Variants in BMP7 observed in about 807,000 individuals in gnomAD.
BMP7 encodes the protein osteogenic protein 1.
BMP7 carries 12 observed loss-of-function variants against 41.2 expected under a neutral mutation model. The observed-to-expected ratio is 0.29, with a 90% CI of 0.19 to 0.47. The LOEUF (loss-of-function observed/expected upper bound fraction) is 0.47, where lower values mean the gene tolerates loss of function less well. Ranked by LOEUF, BMP7 falls within the 20% of genes least tolerant of loss-of-function variation. The probability of loss-of-function intolerance (pLI) is 0.99; values close to 1 mark genes in which losing one functional copy is unlikely to be tolerated. For synonymous variants in BMP7, 248 were observed against 250.0 expected (o/e 0.99, Z 0.07); for missense variants, 467 against 606.0 (o/e 0.77, Z 2.41).
At chr20:57,227,428 C>A (rs182732951) in intron 2 of BMP7, among the ~76,000 whole-genome samples, 2 of 137,050 alleles carry the variant, frequency 1.5e-5, no homozygotes, top group Non-Finnish European at 3.1e-5. Context: ...GCTTGGCAAA[C>A]GTAGCTGTGA....
At chr20:57,222,556 G>T (rs1487361304) in intron 2 of BMP7, among the ~76,000 whole-genome samples, 1 of 152,114 alleles carries the variant, frequency 6.6e-6, no homozygotes, top group African/African-American at 2.4e-5. Flanking sequence ...CTCGGTTCTG[G>T]AGTGAGGCCC....
rs57062226 is a variant in BMP7 at position 57,209,249 on chromosome 20, TTATATATATATATATATATA to T, written c.612-6646_612-6627del. ...AACAAATACCTAGATTTATATATTT[TTATATATATATATATATATA>T]TATATATATATATATATGTATATAA... is the stretch of plus-strand genomic sequence containing the variant. On this transcript the variant is annotated intron_variant, in intron 2 of 6. Coordinates refer to ENST00000395863, the MANE Select transcript of BMP7 (RefSeq NM_001719.3). Among the ~76,000 whole-genome samples the T allele has an allele frequency of 7.8e-4, 74 of 94,870 alleles. 1 individual carries two copies. The East Asian group carries it at 0.017, about 21-fold the overall frequency. 62.2% of individuals were successfully genotyped at this position (94,870 alleles called of 152,430 possible).
At position 57,228,634 on chromosome 20, in the gene BMP7, CAA is replaced by C. The variant is rs1158051610; in HGVS notation, c.419-215_419-214del. Reference sequence around the variant, plus strand: ...TGGTCCCCATGGTCATCCTGAACGACAAGAGCATGATTCTGCATCCAACCTGC... The same window carrying C: ...TGGTCCCCATGGTCATCCTGAACGACGAGCATGATTCTGCATCCAACCTGC... On this transcript the variant is annotated intron_variant, in intron 1 of 6. Coordinates refer to ENST00000395863, the MANE Select transcript of BMP7 (RefSeq NM_001719.3). This position sits in a 1 kb window ranked among gnomAD's most constrained non-coding sequence, Gnocchi z 4.5. Among the ~76,000 whole-genome samples, 8 of 152,310 alleles carry C rather than the reference CAA, an allele frequency of 5.3e-5. No homozygotes were observed. In the South Asian group the frequency reaches 6.2e-4, roughly 12 times the overall value.
intron 1 of BMP7, among the ~76,000 whole-genome samples, chr20:57,229,869 C>T (rs891120257): frequency 2.0e-5 from 3 of 152,192 alleles, no homozygotes; most frequent in African/African-American, 4.8e-5. Context: ...ACCCTGGCTG[C>T]GCAGCTCCAT....
chr20:57,242,373 G>A (rs1048040871), intron 1 of BMP7, among the ~76,000 whole-genome samples: 21 of 152,220 alleles, frequency 1.4e-4, no homozygotes, highest in South Asian at 2.1e-4. Flanking sequence ...GCTCAAGAGG[G>A]TCAAGAAACC....
intron 4 of BMP7, among the ~76,000 whole-genome samples, chr20:57,180,784 C>A (rs1361571827): frequency 6.6e-6 from 1 of 152,192 alleles, no homozygotes; most frequent in Non-Finnish European, 1.5e-5. Flanking sequence ...CTGGGCCACA[C>A]AGACCCACTG....
At chr20:57,192,163 G>T (rs542517551) in intron 3 of BMP7, among the ~76,000 whole-genome samples, 1 of 119,382 alleles carries the variant, frequency 8.4e-6, no homozygotes. Context: ...GTTATACATA[G>T]ATATATAATA....
chr20:57,176,749 T>TACACACAC (rs773367826), intron 4 of BMP7, among the ~76,000 whole-genome samples: 8 of 28,174 alleles, frequency 2.8e-4, no homozygotes, highest in Non-Finnish European at 6.7e-4. Context: ...ACATTCTCCA[T>TACACACAC]TCACACACAC....
chr20:57,231,576 G>C (rs758735760), intron 1 of BMP7, among the ~76,000 whole-genome samples: 1 of 152,216 alleles, frequency 6.6e-6, no homozygotes, highest in Non-Finnish European at 1.5e-5. Flanking sequence ...AGGGGACCAG[G>C]AGCGGTGAAG....
chr20:57,199,522 T>C (rs752720396), intron 3 of BMP7, among the ~76,000 whole-genome samples: 1 of 152,144 alleles, frequency 6.6e-6, no homozygotes, highest in Non-Finnish European at 1.5e-5. Flanking sequence ...AGGGGCATAT[T>C]CCTGGGCGCA....
intron 4 of BMP7, among the ~76,000 whole-genome samples, chr20:57,183,041 C>T (rs576868124): frequency 1.3e-5 from 2 of 152,270 alleles, no homozygotes; most frequent in African/African-American, 4.8e-5. Context: ...TTGAGACCGG[C>T]CTGACCGACA....
rs1275787189 is a variant in BMP7 at position 57,173,204 on chromosome 20, G to A, written c.1142C>T (p.Thr381Met). The part of the protein sequence containing the change: ...MNATNHAIVQ[T>M]LVHFINPETV... ...CCAAGATGGCGTGACACCCACCAGCGTCTGCACGATGGCGTGGTTGGTGGC... is the reference window on the plus strand; with the variant it reads ...CCAAGATGGCGTGACACCCACCAGCATCTGCACGATGGCGTGGTTGGTGGC... The change falls in exon 6 of 7, where the codon ACG becomes ATG. Residue 381 changes from threonine to methionine, a missense_variant. Thr to Met is a moderately conservative substitution (Grantham distance 81). Transcript: ENST00000395863. 6 of 1,613,794 alleles carry A rather than the reference G, an allele frequency of 3.7e-6. No individual in the cohort carries two copies. The highest frequency in any genetic ancestry group is 2.2e-5 in the East Asian group (1 of 44,880).
At chr20:57,234,968 C>T (rs1024246600) in intron 1 of BMP7, among the ~76,000 whole-genome samples, 1 of 152,266 alleles carries the variant, frequency 6.6e-6, no homozygotes, top group African/African-American at 2.4e-5. Context: ...GTGAATGCAC[C>T]TAGGGCAGGA....
At position 57,240,102 on chromosome 20, in the gene BMP7, G is replaced by A. The variant is rs143347049; in HGVS notation, c.419-11681C>T. On this transcript the variant is annotated intron_variant, in intron 1 of 6. Coordinates refer to ENST00000395863, the MANE Select transcript of BMP7 (RefSeq NM_001719.3). ...AGAAAATGGATTCTTCTTTTCTATC[G>A]CATAGCCAGGCTGCAAATTTTCTGA... 6.1e-3 allele frequency among the ~76,000 whole-genome samples: 924 copies of A among 152,256 alleles called. 4 individuals carry two copies. The highest frequency in any genetic ancestry group is 7.7e-3 in the Non-Finnish European group (525 of 68,022).
At chr20:57,264,932 G>A (rs1341544945) in intron 1 of BMP7, among the ~76,000 whole-genome samples, 1 of 150,878 alleles carries the variant, frequency 6.6e-6, no homozygotes, top group Admixed American at 6.6e-5. Context: ...TCGGGAGGCT[G>A]AGGCACGAGA....
intron 2 of BMP7, among the ~76,000 whole-genome samples, chr20:57,207,654 G>A (rs1212055647): frequency 2.0e-5 from 3 of 152,160 alleles, no homozygotes; most frequent in Non-Finnish European, 4.4e-5. Flanking sequence ...TGACAAGGTG[G>A]AAATATGATA....
At chr20:57,262,208 G>A (rs899381569) in intron 1 of BMP7, among the ~76,000 whole-genome samples, 7 of 152,190 alleles carry the variant, frequency 4.6e-5, no homozygotes, top group Admixed American at 1.3e-4. Flanking sequence ...TGCAGTGTGC[G>A]GAGTCGCCAT....
At position 57,266,267 on chromosome 20, in the gene BMP7, C is replaced by G. The variant is rs768268257; in HGVS notation, c.-145G>C. The G allele has an allele frequency of 2.6e-6, 2 of 771,674 alleles. No individual in the cohort carries two copies. Among genetic ancestry groups the G allele is most frequent in the African/African-American group, 1.9e-5 (1 of 53,848 alleles). The allele number at this position is 771,674 out of a possible 1,614,324, so 47.8% of individuals were successfully genotyped here. ...GCCCGCGCCAGACATGGCCCCTCCC[C>G]GGCCGGCCGCGCTCTGCCCGGACCC... is the stretch of plus-strand genomic sequence containing the variant. On this transcript the variant is annotated 5_prime_UTR_variant, in exon 1 of 7. Coordinates refer to ENST00000395863, the MANE Select transcript of BMP7 (RefSeq NM_001719.3).
chr20:57,202,789 A>C (rs145352596), intron 2 of BMP7, among the ~76,000 whole-genome samples, 166 bp from the exon 3 acceptor site: 1 of 152,338 alleles, frequency 6.6e-6, no homozygotes, highest in African/African-American at 2.4e-5. Context: ...AAGACCCCTC[A>C]GTAGCTGTGG....
Sources: allele counts gnomAD v4.1 joint callset (sites outside exome capture counted in the v4.1 genomes callset), GRCh38; gene constraint gnomAD v4.1.1; non-coding constraint Gnocchi (gnomAD v3.1); transcripts MANE v1.5; gene names NCBI Gene and HGNC (gene_info 2026-07-23, HGNC 2026-07-21).